ZNF721: variants seen among roughly 807,000 people sequenced by gnomAD.
ZNF721 encodes zinc finger protein 721.
ZNF721 carries 2 observed loss-of-function variants against 2.4 expected under a neutral mutation model. That is an observed-to-expected ratio of 0.82 (90% CI 0.34 to 2.58). ZNF721 has a LOEUF of 2.58. Among genes scored for constraint, ZNF721 ranks in the 30% most tolerant of loss-of-function variants. The pLI is 0.11. For missense variants in ZNF721, 1,187 were observed against 1,085.5 expected (o/e 1.09, Z -1.31); for synonymous variants, 398 against 381.8 (o/e 1.04, Z -0.50).
At chr4:447,039 T>G (rs1388975568) in intron 2 of ZNF721, among the ~76,000 whole-genome samples, 7 of 152,270 alleles carry the variant, frequency 4.6e-5, no homozygotes, top group African/African-American at 1.7e-4. Flanking sequence ...ATATATTATT[T>G]TGCAGGGCAC....
At chr4:475,159 G>T (rs1553868440) in intron 1 of ZNF721, among the ~76,000 whole-genome samples, 1 of 151,534 alleles carries the variant, frequency 6.6e-6, no homozygotes, top group Non-Finnish European at 1.5e-5. Context: ...TGCTCTCCAG[G>T]CTGGGTGACA....
chr4:478,671 T>A (rs1168993947), intron 1 of ZNF721, among the ~76,000 whole-genome samples: 1 of 152,244 alleles, frequency 6.6e-6, no homozygotes, highest in Non-Finnish European at 1.5e-5. Flanking sequence ...GGAATAATAC[T>A]GTTTATGAAC....
At chr4:488,786 C>T (rs1470079425) in intron 1 of ZNF721, among the ~76,000 whole-genome samples, 3 of 151,914 alleles carry the variant, frequency 2.0e-5, no homozygotes, top group African/African-American at 2.4e-5. Flanking sequence ...GCCGAGATCA[C>T]GCCACTGCAT....
At chr4:451,047 T>A (rs971233911) in intron 2 of ZNF721, among the ~76,000 whole-genome samples, 3 of 148,246 alleles carry the variant, frequency 2.0e-5, no homozygotes, top group African/African-American at 7.4e-5. Flanking sequence ...ACAAGCATGT[T>A]CATTATTATT....
intron 1 of ZNF721, among the ~76,000 whole-genome samples, chr4:495,050 T>G (rs1223838708): frequency 6.6e-6 from 1 of 151,838 alleles, no homozygotes. Context: ...GCCCGGCTAA[T>G]TTTTCGTATT....
chr4:482,830 G>C (rs557353544), intron 1 of ZNF721, among the ~76,000 whole-genome samples: 2 of 152,084 alleles, frequency 1.3e-5, no homozygotes, highest in Admixed American at 6.6e-5. Context: ...AGACAAAGAG[G>C]GCTTGTAGTT....
chr4:450,956 AATATATATATAT>A (rs71166812), intron 2 of ZNF721, among the ~76,000 whole-genome samples: 3,563 of 63,418 alleles, frequency 0.056, 233 homozygotes, highest in East Asian at 0.13. Flanking sequence ...AAAAAAAAAA[AATATATATATAT>A]ATATATATAT....
At chr4:474,025 A>C in intron 1 of ZNF721, 2 of 1,497,426 alleles carry the variant, frequency 1.3e-6, no homozygotes, top group Non-Finnish European at 1.8e-6. Flanking sequence ...GCTACGAATC[A>C]TCCAATACCC....
chr4:460,610 G>C (rs1263067248), intron 2 of ZNF721, among the ~76,000 whole-genome samples: 1 of 140,164 alleles, frequency 7.1e-6, no homozygotes, highest in East Asian at 2.1e-4. Context: ...AGGAAATAGA[G>C]ACACGAAAGA....
intron 1 of ZNF721, among the ~76,000 whole-genome samples, chr4:473,502 C>T (rs1267690406): frequency 6.6e-6 from 1 of 152,164 alleles, no homozygotes; most frequent in Admixed American, 6.5e-5. Flanking sequence ...GCTTCACTTC[C>T]TCACACACCT....
intron 1 of ZNF721, among the ~76,000 whole-genome samples, chr4:487,378 C>T (rs2108721870): frequency 6.6e-6 from 1 of 152,286 alleles, no homozygotes; most frequent in South Asian, 2.1e-4. Context: ...CAAAGTGCCT[C>T]AGTTTACAGA....
chr4:442,924 T>C lies in ZNF721; in HGVS notation c.1543A>G (p.Thr515Ala), dbSNP rs782276652. The change falls in exon 3 of 3, where the codon ACC becomes GCC. Residue 515 changes from threonine (T) to alanine (A), a missense_variant. Physicochemically the swap from Thr to Ala is moderately conservative, Grantham distance 58. Transcript: ENST00000511833. The stretch of plus-strand genomic sequence containing the variant: ...TGAATTCTCCTATGTTTAGTAAGGG[T>C]TGTGGAACTAGTAAACGCTTTACCA... ...ECGKAFTSST[T>A]LTKHRRIHTG... The C allele has an allele frequency of 1.9e-6, 3 of 1,613,658 alleles. No homozygotes were observed. Among genetic ancestry groups the C allele is most frequent in the Non-Finnish European group, 2.5e-6 (3 of 1,179,884 alleles).
At chr4:488,806 G>A (rs1336971551) in intron 1 of ZNF721, among the ~76,000 whole-genome samples, 1 of 151,822 alleles carries the variant, frequency 6.6e-6, no homozygotes, top group Admixed American at 6.6e-5. Flanking sequence ...TTCCGGCCTG[G>A]CAACAGAGCG....
At chr4:462,450 T>C (rs188122391) in intron 2 of ZNF721, among the ~76,000 whole-genome samples, 4 of 152,152 alleles carry the variant, frequency 2.6e-5, no homozygotes, top group Admixed American at 2.6e-4. Flanking sequence ...GTCAAGACAA[T>C]CCTAAGCAGA....
At position 475,335 on chromosome 4, in the gene ZNF721, A is replaced by G. The variant is rs193156646; in HGVS notation, c.-93-2634T>C. On this transcript the variant is annotated intron_variant, in intron 1 of 2. Coordinates refer to ENST00000511833, the MANE Select transcript of ZNF721 (RefSeq NM_133474.4). ...CATAATACTCTTTGCAGACTTACTA[A>G]TATTTTTTTTTACTGTAAACCATCA... 2.2e-3 allele frequency among the ~76,000 whole-genome samples: 329 copies of G among 150,968 alleles called. 2 individuals are homozygous for G. Among genetic ancestry groups the G allele is most frequent in the African/African-American group, 7.6e-3 (310 of 40,550 alleles).
intron 1 of ZNF721, among the ~76,000 whole-genome samples, chr4:478,434 G>C (rs1293173093): frequency 2.0e-5 from 3 of 151,966 alleles, no homozygotes; most frequent in Non-Finnish European, 4.4e-5. Flanking sequence ...GGTTGATCTT[G>C]AACTGTTTGC....
chr4:490,405 C>T (rs1479128220), intron 1 of ZNF721, among the ~76,000 whole-genome samples: 1 of 151,874 alleles, frequency 6.6e-6, no homozygotes, highest in African/African-American at 2.4e-5. Flanking sequence ...GGAGGCAGAG[C>T]TTGCAGTGAG....
rs1172694365 is a variant in ZNF721 at position 442,526 on chromosome 4, G to T, written c.1941C>A (p.Gly647=). 2 of 1,613,690 alleles carry T rather than the reference G, an allele frequency of 1.2e-6. No homozygotes were observed. The highest frequency in any genetic ancestry group is 1.7e-6 in the Non-Finnish European group (2 of 1,179,850). The change falls in exon 3 of 3, where the codon GGC becomes GGA. Residue 647 remains glycine (G), a synonymous_variant. Coordinates refer to ENST00000511833, the MANE Select transcript of ZNF721 (RefSeq NM_133474.4). Reference sequence around the variant, plus strand: ...GGTCTGTTGATGGGGCAAAGGCTTTGCCACACTCTTCACATTTGTAAGGTT... The same window carrying T: ...GGTCTGTTGATGGGGCAAAGGCTTTTCCACACTCTTCACATTTGTAAGGTT... The part of the protein sequence containing the change: ...GEKPYKCEEC[G]KAFAPSTDLN...
intron 2 of ZNF721, among the ~76,000 whole-genome samples, chr4:461,456 AAAT>A (rs35148355): frequency 0.16 from 23,715 of 152,214 alleles, 2,300 homozygotes; most frequent in Non-Finnish European, 0.23. Context: ...ATGTATCTCA[AAAT>A]AATAAGAGCT....
Sources: allele counts gnomAD v4.1 joint callset (sites outside exome capture counted in the v4.1 genomes callset), GRCh38; gene constraint gnomAD v4.1.1; transcripts MANE v1.5; gene names NCBI Gene and HGNC (gene_info 2026-07-23, HGNC 2026-07-21).